Variants in MACROD2 observed in about 807,000 individuals in gnomAD.
MACROD2 encodes the protein mono-ADP ribosylhydrolase 2.
Under a neutral mutation model 70.4 loss-of-function variants are expected in MACROD2, and 36 were observed. The observed-to-expected ratio is 0.51, with a 90% CI of 0.39 to 0.68. The LOEUF is 0.68. Ranked by LOEUF, MACROD2 falls within the 30% of genes least tolerant of loss-of-function variation. The probability of loss-of-function intolerance (pLI) is 0.00; values close to 1 mark genes in which losing one functional copy is unlikely to be tolerated. For missense variants in MACROD2, 496 were observed against 538.4 expected, an observed-to-expected ratio of 0.92 and a Z score of 0.78; for synonymous variants, 172 against 178.8, an observed-to-expected ratio of 0.96 and a Z score of 0.30.
chr20:15,818,959 G>A (rs938019481), intron 8 of MACROD2, among the ~76,000 whole-genome samples: 5 of 151,960 alleles, frequency 3.3e-5, no homozygotes, highest in Admixed American at 6.6e-5. Context: ...AGTCAAAGCC[G>A]TGAAGTTATT....
intron 8 of MACROD2, among the ~76,000 whole-genome samples, chr20:15,833,862 C>T (rs1024110897): frequency 6.6e-6 from 1 of 152,160 alleles, no homozygotes; most frequent in African/African-American, 2.4e-5. Context: ...AATTGATGAT[C>T]ATCCTTGAGT....
intron 2 of MACROD2, among the ~76,000 whole-genome samples, chr20:14,012,848 G>T (rs1018781440): frequency 6.6e-6 from 1 of 152,288 alleles, no homozygotes; most frequent in African/African-American, 2.4e-5. Flanking sequence ...TGAGGTCACC[G>T]CAATAGCAAT....
At chr20:15,746,807 G>C (rs1299092348) in intron 8 of MACROD2, among the ~76,000 whole-genome samples, 4 of 152,052 alleles carry the variant, frequency 2.6e-5, no homozygotes, top group Admixed American at 2.0e-4. Context: ...AGCTGAGCCA[G>C]ACTGAGAGCT....
intron 3 of MACROD2, among the ~76,000 whole-genome samples, chr20:14,415,165 A>C (rs2083790420): frequency 6.6e-6 from 1 of 152,228 alleles, no homozygotes; most frequent in Admixed American, 6.5e-5. Context: ...TGTCAGCAGA[A>C]TAAAAACACG....
intron 3 of MACROD2, among the ~76,000 whole-genome samples, chr20:14,492,744 T>C (rs1053276142): frequency 2.0e-5 from 3 of 152,126 alleles, no homozygotes; most frequent in African/African-American, 7.2e-5. Flanking sequence ...GTATAGTGTA[T>C]ATTGAATTAT....
At chr20:15,871,120 G>A (rs2147181053) in intron 9 of MACROD2, among the ~76,000 whole-genome samples, 1 of 138,096 alleles carries the variant, frequency 7.2e-6, no homozygotes, top group East Asian at 2.1e-4. Flanking sequence ...AGGTTGCAGT[G>A]AGCCGAGATC....
intron 5 of MACROD2, among the ~76,000 whole-genome samples, chr20:15,164,690 G>A (rs989019705): frequency 5.3e-5 from 8 of 152,132 alleles, no homozygotes; most frequent in Non-Finnish European, 1.2e-4. Context: ...GAGGCCAGGA[G>A]TTCAAAACCA....
chr20:16,011,951 G>A (rs188061243), intron 15 of MACROD2, among the ~76,000 whole-genome samples: 21 of 151,842 alleles, frequency 1.4e-4, no homozygotes, highest in Admixed American at 1.1e-3. Context: ...AGCTCCACAC[G>A]ATGGTCCTGC....
intron 3 of MACROD2, among the ~76,000 whole-genome samples, chr20:14,220,147 G>A (rs1601363430): frequency 6.6e-6 from 1 of 152,122 alleles, no homozygotes; most frequent in East Asian, 1.9e-4. Context: ...AGGACCATCA[G>A]CTGGGAGTGG....
intron 9 of MACROD2, among the ~76,000 whole-genome samples, chr20:15,865,268 C>A (rs560170062): frequency 6.6e-6 from 1 of 152,096 alleles, no homozygotes; most frequent in South Asian, 2.1e-4. Flanking sequence ...TCAAAGAGAT[C>A]ATACTAAAGG....
chr20:14,709,695 A>G (rs1360397101), intron 5 of MACROD2, among the ~76,000 whole-genome samples: 1 of 152,214 alleles, frequency 6.6e-6, no homozygotes, highest in Non-Finnish European at 1.5e-5. Context: ...ACCTTGTTGA[A>G]TCACTTCTTA....
chr20:15,815,949 A>G (rs2063869420), intron 8 of MACROD2, among the ~76,000 whole-genome samples: 1 of 152,096 alleles, frequency 6.6e-6, no homozygotes, highest in African/African-American at 2.4e-5. Flanking sequence ...GGAGTTATTA[A>G]TGTGTCAAGC....
intron 3 of MACROD2, among the ~76,000 whole-genome samples, chr20:14,261,635 T>A (rs2082101732): frequency 1.3e-5 from 2 of 152,184 alleles, no homozygotes; most frequent in Non-Finnish European, 2.9e-5. Flanking sequence ...CTATAAGATG[T>A]GTGTATGTTG....
Position 14,348,278 on chromosome 20 carries a change from A to ATAAAT in MACROD2, c.272-145201_272-145200insTAAAT, listed in dbSNP as rs1555784022. 1.7e-3 allele frequency among the ~76,000 whole-genome samples: 246 copies of ATAAAT among 143,996 alleles called. 2 individuals are homozygous for ATAAAT. Among genetic ancestry groups the ATAAAT allele is most frequent in the African/African-American group, 3.8e-3 (147 of 38,198 alleles). 94.5% of individuals were successfully genotyped at this position (143,996 alleles called of 152,430 possible). On this transcript the variant is annotated intron_variant, in intron 3 of 17. Transcript: ENST00000684519. ...AGCAAGACTCCGTCTCAAAAAAAAA[A>ATAAAT]AAATAAATAAAATAAAGAAAGAAAG...
rs532247387 is a variant in MACROD2 at position 15,371,898 on chromosome 20, T to C, written c.541-59507T>C. Among the ~76,000 whole-genome samples, 9 of 152,316 alleles carry C rather than the reference T, an allele frequency of 5.9e-5. No homozygotes were observed. In the East Asian group the frequency reaches 1.5e-3, roughly 26 times the overall value. On this transcript the variant is annotated intron_variant, in intron 6 of 17. Coordinates refer to ENST00000684519, the MANE Select transcript of MACROD2 (RefSeq NM_001351661.2). ...TTTAATTTGGTATGTATAATTCCTG[T>C]TTTTTACGCTTTCACTACATATGTA...
At chr20:15,538,803 A>G (rs546365413) in intron 8 of MACROD2, among the ~76,000 whole-genome samples, 2 of 152,300 alleles carry the variant, frequency 1.3e-5, no homozygotes, top group East Asian at 3.9e-4. Flanking sequence ...GAATATAAAG[A>G]AAATCAGAAT....
intron 3 of MACROD2, among the ~76,000 whole-genome samples, chr20:14,136,345 T>C (rs1450474125): frequency 6.6e-6 from 1 of 152,194 alleles, no homozygotes; most frequent in Non-Finnish European, 1.5e-5. Context: ...GGTTCACGCC[T>C]GTAATCCTAG....
chr20:15,149,168 A>G (rs1466553975), intron 5 of MACROD2, among the ~76,000 whole-genome samples: 2 of 152,026 alleles, frequency 1.3e-5, no homozygotes, highest in Non-Finnish European at 2.9e-5. Flanking sequence ...CTTGGTGTGT[A>G]GGGAAGGGAG....
intron 3 of MACROD2, among the ~76,000 whole-genome samples, chr20:14,332,206 T>C (rs1046311630): frequency 6.6e-6 from 1 of 152,004 alleles, no homozygotes; most frequent in Non-Finnish European, 1.5e-5. Context: ...AATTGTGGGG[T>C]TTTTTTGCAT....
Sources: allele counts gnomAD v4.1 joint callset (sites outside exome capture counted in the v4.1 genomes callset), GRCh38; gene constraint gnomAD v4.1.1; transcripts MANE v1.5; gene names NCBI Gene and HGNC (gene_info 2026-07-23, HGNC 2026-07-21).